The following SPSB3 variants were observed in gnomAD, a reference collection of about 807,000 sequenced individuals.
The protein encoded by SPSB3 is splA/ryanodine receptor domain and SOCS box containing 3.
A neutral mutation model predicts 29.5 loss-of-function variants in SPSB3; 18 were observed. The ratio of observed to expected loss-of-function variants is 0.61; its 90% CI spans 0.42 to 0.91. The LOEUF is 0.91. Ranked by LOEUF, SPSB3 falls within the 40% of genes least tolerant of loss-of-function variation. SPSB3 has a pLI of 0.00. For missense variants in SPSB3, 540 were observed against 507.5 expected, an observed-to-expected ratio of 1.06 and a Z score of -0.61; for synonymous variants, 299 against 214.1, an observed-to-expected ratio of 1.40 and a Z score of -3.46.
At position 1,778,335 on chromosome 16, in the gene SPSB3, C is replaced by T; in HGVS notation, c.305-14G>A. On this transcript the variant is annotated splice_polypyrimidine_tract_variant and intron_variant, in intron 3 of 6. Coordinates refer to ENST00000566339, the MANE Select transcript of SPSB3 (RefSeq NM_080861.4). ...CCCAGTCGAAATCTGCAAGAGAGGC[C>T]CAGGCTGGGGCAGCCCTGAGAGCTC... 3 of 1,611,806 alleles carry T rather than the reference C, an allele frequency of 1.9e-6. No individual in the cohort carries two copies. Among genetic ancestry groups the T allele is most frequent in the Non-Finnish European group, 2.5e-6 (3 of 1,179,898 alleles).
chr16:1,777,802 C>A lies in SPSB3; in HGVS notation c.666G>T (p.Val222=). ...SRFGQGSIIG[V]HLDTWHGTLT... is the part of the protein sequence containing the mutation. ...GTGTGCCGTGCCAGGTGTCCAGGTG[C>A]ACGCCAATGATGGAGCCCTGGCCGA... is the stretch of plus-strand genomic sequence containing the variant. The change falls in exon 6 of 7, where the codon GTG becomes GTT. Residue 222 remains valine (V), a synonymous_variant. Transcript: ENST00000566339. 6.2e-7 allele frequency: 1 copy of A among 1,612,914 alleles called. No homozygotes were observed. The highest frequency in any genetic ancestry group is 8.5e-7 in the Non-Finnish European group (1 of 1,179,916).
rs181756783 is a variant in SPSB3, at chr16:1,776,774, C to A, written c.*323G>T. On this transcript the variant is annotated 3_prime_UTR_variant, in exon 7 of 7. Transcript: ENST00000566339. ...TTTAAGTCTATGACGGCGGGGCAGC[C>A]GCTGACAGCATGCAGAGCAAGTTAG... 6.7e-6 allele frequency: 3 copies of A among 447,440 alleles called. No homozygotes were observed. Among genetic ancestry groups the A allele is most frequent in the Admixed American group, 4.0e-5 (1 of 25,204 alleles). 27.7% of individuals were successfully genotyped at this position (447,440 alleles called of 1,614,324 possible).
Position 1,777,386 on chromosome 16 carries a change from G to A in SPSB3, c.779C>T (p.Ala260Val), listed in dbSNP as rs751541071. The change falls in exon 7 of 7, where the codon GCG becomes GTG. Residue 260 changes from alanine to valine, a missense_variant. Transcript: ENST00000566339. ...KRFYPMVCSTAARSSMKVTRS... is the reference protein window; with the variant it reads ...KRFYPMVCSTVARSSMKVTRS... ...GGTGACCTTCATGCTGCTCCGGGCC[G>A]CCGTGGAGCACACCATCGGGTAGAA... 9 of 1,594,028 alleles carry A rather than the reference G, an allele frequency of 5.6e-6. No homozygotes were observed. The highest frequency in any genetic ancestry group is 1.1e-5 in the South Asian group (1 of 90,074).
At chr16:1,778,088 G>A in intron 4 of SPSB3, 40 bp from the exon 5 acceptor site, 1 of 1,612,940 alleles carries the variant, frequency 6.2e-7, no homozygotes, top group Non-Finnish European at 8.5e-7. Context: ...GGGCTGGGCT[G>A]CCGGAGCCAG....
chr16:1,777,448 A>C lies in SPSB3; in HGVS notation c.722-5T>G. 6.7e-7 allele frequency: 1 copy of C among 1,503,114 alleles called. No homozygotes were observed. The highest frequency in any genetic ancestry group is 1.4e-5 in the African/African-American group (1 of 72,814). 93.1% of individuals were successfully genotyped at this position (1,503,114 alleles called of 1,614,324 possible). A position where few individuals can be genotyped will look rare whatever the true frequency, so the allele number is the denominator to read the frequency against. The stretch of plus-strand genomic sequence containing the variant: ...GCAGCTTGGTGGCTGCCACACCTGG[A>C]AGGGAGGGGCCCAGCCTGAACCCCA... On this transcript the variant is annotated splice_polypyrimidine_tract_variant and splice_region_variant and intron_variant, in intron 6 of 6. Coordinates refer to ENST00000566339, the MANE Select transcript of SPSB3 (RefSeq NM_080861.4).
At position 1,778,299 on chromosome 16, in the gene SPSB3, G is replaced by A. The variant is rs1300261322; in HGVS notation, c.327C>T (p.Asp109=). ...GCAGGGTGGCTGATGACTTATTTAA[G>A]TCATCCCAGACCCAGTCGAAATCTG... is the stretch of plus-strand genomic sequence containing the variant. ...EDEYFDWVWD[D]LNKSSATLLS... Residue 109 remains aspartate, a synonymous_variant, in exon 4 of 7, where the codon GAC becomes GAT. Transcript: ENST00000566339. 1.2e-6 allele frequency: 2 copies of A among 1,612,500 alleles called. No individual in the cohort carries two copies. Among genetic ancestry groups the A allele is most frequent in the Non-Finnish European group, 8.5e-7 (1 of 1,179,992 alleles).
intron 6 of SPSB3, 38 bp downstream of exon 6, chr16:1,777,709 G>T (rs1242493596): frequency 6.2e-7 from 1 of 1,603,862 alleles, no homozygotes; most frequent in African/African-American, 1.3e-5. Context: ...CCCTCGGGGT[G>T]ACAGCTGAGA....
chr16:1,777,823 G>A lies in SPSB3; in HGVS notation c.645C>T (p.Gly215=). 6.2e-7 allele frequency: 1 copy of A among 1,612,814 alleles called. No homozygotes were observed. Among genetic ancestry groups the A allele is most frequent in the Non-Finnish European group, 8.5e-7 (1 of 1,179,882 alleles). The change falls in exon 6 of 7, where the codon GGC becomes GGT. Residue 215 remains glycine, a synonymous_variant. Coordinates refer to ENST00000566339, the MANE Select transcript of SPSB3 (RefSeq NM_080861.4). ...GGTGCACGCCAATGATGGAGCCCTGGCCGAACCGCGATGAGAAGCTGGTCT... is the reference window on the plus strand; with the variant it reads ...GGTGCACGCCAATGATGGAGCCCTGACCGAACCGCGATGAGAAGCTGGTCT... ...GDKTSFSSRF[G]QGSIIGVHLD...
Position 1,781,386 on chromosome 16 carries a change from G to C in SPSB3, c.98C>G (p.Thr33Ser). 6 of 1,612,846 alleles carry C rather than the reference G, an allele frequency of 3.7e-6. No individual in the cohort carries two copies. The highest frequency in any genetic ancestry group is 5.1e-6 in the Non-Finnish European group (6 of 1,179,998). ...DARAVALAGS[T>S]NWGYDSDGQH... The stretch of plus-strand genomic sequence containing the variant: ...CCCATCAGAGTCGTAGCCCCAGTTA[G>C]TGGAGCCTGCTAGAGCCACGGCCCG... Residue 33 changes from threonine (T) to serine (S), a missense_variant, in exon 2 of 7, where the codon ACT (threonine) becomes AGT (serine). By Grantham distance (58) the Thr-to-Ser change is moderately conservative. Transcript: ENST00000566339.
Position 1,777,257 on chromosome 16 carries a change from G to A in SPSB3, c.908C>T (p.Pro303Leu), listed in dbSNP as rs148767831. The change falls in exon 7 of 7, where the codon CCG becomes CTG. Residue 303 changes from proline (P) to leucine (L), a missense_variant. By Grantham distance (98) the Pro-to-Leu change is moderately conservative. Transcript: ENST00000566339. ...GDTLEGLPLP[P>L]GLKQVLHNKL... ...GTTGTGTAGCACCTGCTTGAGGCCC[G>A]GCGGCAGCGGCAGACCCTCCAGCGT... The A allele has an allele frequency of 4.5e-5, 72 of 1,610,552 alleles. No homozygotes were observed. The African/African-American group carries it at 7.7e-4, about 17-fold the overall frequency.
At chr16:1,782,279 G>A (rs1337081148) in intron 1 of SPSB3, 1 of 151,868 alleles carries the variant, frequency 6.6e-6, no homozygotes, top group Non-Finnish European at 1.5e-5. Context: ...CCAGGCGAGC[G>A]CGTGTGCAGC....
At chr16:1,777,492 T>A (rs2042731931) in intron 6 of SPSB3, 49 bp from the exon 7 acceptor site, 1 of 1,447,188 alleles carries the variant, frequency 6.9e-7, no homozygotes, top group South Asian at 1.4e-5. Flanking sequence ...AGGGGCCAGC[T>A]ACTGGGCGCA....
intron 2 of SPSB3, 85 bp downstream of exon 2, chr16:1,781,273 C>T (rs143183600): frequency 9.3e-6 from 15 of 1,610,948 alleles, no homozygotes; most frequent in Non-Finnish European, 1.3e-5. Flanking sequence ...CCGACTGATT[C>T]CGTGTTCAGG....
At position 1,778,595 on chromosome 16, in the gene SPSB3, G is replaced by A. The variant is rs779190396; in HGVS notation, c.144C>T (p.Ser48=). The A allele has an allele frequency of 1.7e-5, 26 of 1,572,118 alleles. No homozygotes were observed. The highest frequency in any genetic ancestry group is 1.6e-4 in the Admixed American group (9 of 56,762). The change falls in exon 3 of 7, where the codon TCC becomes TCT. Residue 48 remains serine (S), a synonymous_variant. Transcript: ENST00000566339. The part of the protein sequence containing the change: ...DSDGQHSDSD[S]DPEYSTLPPS... ...GCGGCAGCGTGGAGTACTCGGGGTC[G>A]GAGTCCGAGTCGCTGTGCTGGGAGA...
At chr16:1,781,550 G>C (rs1352878993) in intron 1 of SPSB3, 55 bp from the exon 2 acceptor site, 8 of 1,570,362 alleles carry the variant, frequency 5.1e-6, no homozygotes, top group Non-Finnish European at 6.1e-6. Flanking sequence ...TCCCAGCCCT[G>C]AGCTTCCAGG....
intron 2 of SPSB3, chr16:1,780,135 A>C (rs893925282): frequency 2.0e-5 from 3 of 152,198 alleles, no homozygotes. Context: ...CCCCGGAAGG[A>C]CACGGCCCAT....
chr16:1,778,756 G>A, intron 2 of SPSB3, 144 bp from the exon 3 acceptor site: 1 of 891,398 alleles, frequency 1.1e-6, no homozygotes. Flanking sequence ...AGTACCCCGA[G>A]CGCACAGCCC....
intron 2 of SPSB3, 35 bp from the exon 3 acceptor site, chr16:1,778,647 C>A: frequency 6.6e-7 from 1 of 1,521,918 alleles, no homozygotes; most frequent in Non-Finnish European, 8.8e-7. Flanking sequence ...CTACCTGTTG[C>A]CCGCTCTCTA....
chr16:1,777,034 GAA>G lies in SPSB3; in HGVS notation c.*61_*62del. 6.5e-7 allele frequency: 1 copy of G among 1,544,662 alleles called. No individual in the cohort carries two copies. Among genetic ancestry groups the G allele is most frequent in the Non-Finnish European group, 8.8e-7 (1 of 1,138,866 alleles). ...AGTGTGGCTGGAAGGAAGGGACAGA[GAA>G]AGAAGGGACAGAGGAAAGGGGCTGT... On this transcript the variant is annotated 3_prime_UTR_variant, in exon 7 of 7. Transcript: ENST00000566339.
Sources: allele counts gnomAD v4.1 joint callset, GRCh38; gene constraint gnomAD v4.1.1; transcripts MANE v1.5; gene names NCBI Gene and HGNC (gene_info 2026-07-23, HGNC 2026-07-21).